Variants in TENM4 observed in about 807,000 individuals in gnomAD.
The protein encoded by TENM4 is teneurin-4.
A neutral mutation model predicts 243.3 loss-of-function variants in TENM4; 82 were observed. The ratio of observed to expected loss-of-function variants is 0.34; its 90% CI spans 0.28 to 0.40. TENM4 has a LOEUF of 0.40. TENM4 is among the 10% of genes least tolerant of loss of function. The pLI is 1.00. For missense variants in TENM4, 3,138 were observed against 3,673.3 expected, an observed-to-expected ratio of 0.85 and a Z score of 3.77; for synonymous variants, 1,412 against 1,456.3, an observed-to-expected ratio of 0.97 and a Z score of 0.69.
intron 1 of TENM4, among the ~76,000 whole-genome samples, chr11:79,432,413 C>G (rs928491605): frequency 4.6e-5 from 7 of 152,214 alleles, no homozygotes; most frequent in Admixed American, 4.6e-4. Flanking sequence ...GATCAGTTCT[C>G]ATCCTGAGGT....
At chr11:78,670,762 T>C (rs1039923590) in intron 31 of TENM4, among the ~76,000 whole-genome samples, 1 of 152,190 alleles carries the variant, frequency 6.6e-6, no homozygotes, top group Non-Finnish European at 1.5e-5. Context: ...TGAGGCTTTC[T>C]CTCAGCCTCA....
intron 4 of TENM4, among the ~76,000 whole-genome samples, chr11:79,133,618 C>T (rs571504448): frequency 6.6e-6 from 1 of 151,982 alleles, no homozygotes; most frequent in Non-Finnish European, 1.5e-5. Context: ...TACTAGCTAA[C>T]CAAATCCAAC....
intron 4 of TENM4, among the ~76,000 whole-genome samples, chr11:79,125,379 C>T (rs1161374874): frequency 1.3e-5 from 2 of 152,180 alleles, no homozygotes; most frequent in African/African-American, 4.8e-5. Flanking sequence ...TCTGTTAAGA[C>T]TGCCCTGAAT....
chr11:79,261,953 G>A (rs952053635), intron 2 of TENM4, among the ~76,000 whole-genome samples: 6 of 152,178 alleles, frequency 3.9e-5, no homozygotes, highest in Admixed American at 1.3e-4. Flanking sequence ...AGGGGCCTGC[G>A]GAGGAACATG....
chr11:78,834,263 T>C (rs942575214), intron 12 of TENM4, among the ~76,000 whole-genome samples: 1 of 152,224 alleles, frequency 6.6e-6, no homozygotes, highest in African/African-American at 2.4e-5. Flanking sequence ...TTGTTTTACA[T>C]TGACAGTAAT....
intron 6 of TENM4, among the ~76,000 whole-genome samples, chr11:78,965,423 C>A (rs182315417): frequency 6.6e-6 from 1 of 152,174 alleles, no homozygotes; most frequent in East Asian, 1.9e-4. Flanking sequence ...TTTTATTAAC[C>A]AAAGACACAA....
chr11:78,846,227 G>A (rs1858389676), intron 12 of TENM4, among the ~76,000 whole-genome samples: 1 of 152,144 alleles, frequency 6.6e-6, no homozygotes, highest in Non-Finnish European at 1.5e-5. Context: ...AGGCTTCTAC[G>A]TGTTTCTCTG....
intron 4 of TENM4, among the ~76,000 whole-genome samples, chr11:79,100,825 T>C (rs575923559): frequency 5.3e-5 from 8 of 152,288 alleles, no homozygotes; most frequent in Non-Finnish European, 8.8e-5. Flanking sequence ...CAAAAGGTAT[T>C]TAGCAGGGGT....
chr11:79,409,093 T>TGCGCGC (rs1858636009), intron 1 of TENM4, among the ~76,000 whole-genome samples: 2 of 111,348 alleles, frequency 1.8e-5, no homozygotes, highest in Non-Finnish European at 4.0e-5. Flanking sequence ...TGTGTGTGTG[T>TGCGCGC]GTGTGTGTGC....
chr11:79,199,769 C>T (rs1462313187), intron 3 of TENM4, among the ~76,000 whole-genome samples: 3 of 152,172 alleles, frequency 2.0e-5, no homozygotes, highest in East Asian at 1.9e-4. Context: ...GAACATGTCC[C>T]GGAGGGTTTA....
chr11:79,280,466 C>G (rs1856136770), intron 2 of TENM4, among the ~76,000 whole-genome samples: 1 of 152,216 alleles, frequency 6.6e-6, no homozygotes, highest in Non-Finnish European at 1.5e-5. Flanking sequence ...TAGCTGGCCC[C>G]CTCCCATTTG....
chr11:79,237,502 C>A (rs1864499094), intron 2 of TENM4, among the ~76,000 whole-genome samples: 1 of 152,104 alleles, frequency 6.6e-6, no homozygotes, highest in Non-Finnish European at 1.5e-5. Context: ...CATGGTAAAA[C>A]CCTGTCTATA....
chr11:78,814,680 T>G (rs1190134742), intron 12 of TENM4, among the ~76,000 whole-genome samples: 1 of 152,214 alleles, frequency 6.6e-6, no homozygotes, highest in Non-Finnish European at 1.5e-5. Context: ...CTAAAAACAC[T>G]GAGAGAGAAC....
chr11:79,026,525 A>C (rs1859084299), intron 6 of TENM4, among the ~76,000 whole-genome samples: 1 of 152,192 alleles, frequency 6.6e-6, no homozygotes, highest in African/African-American at 2.4e-5. Flanking sequence ...CAGCCCTTCA[A>C]AGTCAAACTT....
At chr11:79,208,406 T>C (rs1863891399) in intron 3 of TENM4, among the ~76,000 whole-genome samples, 2 of 152,220 alleles carry the variant, frequency 1.3e-5, no homozygotes, top group African/African-American at 2.4e-5. Flanking sequence ...GGTTTCCTCA[T>C]GTGTAAAATG....
intron 3 of TENM4, among the ~76,000 whole-genome samples, chr11:79,202,255 C>T (rs1863753442): frequency 6.6e-6 from 1 of 152,230 alleles, no homozygotes; most frequent in South Asian, 2.1e-4. Context: ...TCCCCTTCCA[C>T]CCTACCCATG....
intron 6 of TENM4, among the ~76,000 whole-genome samples, chr11:78,928,864 G>T (rs1363447200): frequency 6.6e-6 from 1 of 152,212 alleles, no homozygotes; most frequent in East Asian, 1.9e-4. Flanking sequence ...CTGTAAAAGG[G>T]AGTTAATGGC....
intron 6 of TENM4, among the ~76,000 whole-genome samples, chr11:78,978,483 G>A (rs1857717434): frequency 6.6e-6 from 1 of 152,180 alleles, no homozygotes; most frequent in Non-Finnish European, 1.5e-5. Context: ...CTGATGAAAT[G>A]AGCTCCAGAC....
chr11:79,233,902 A>G (rs191808961), intron 2 of TENM4, among the ~76,000 whole-genome samples: 1 of 152,292 alleles, frequency 6.6e-6, no homozygotes, highest in East Asian at 1.9e-4. Flanking sequence ...GGTTGTACTG[A>G]AGGGTGACAT....
Sources: gnomAD v4.1 joint callset for allele counts (sites outside exome capture counted in the v4.1 genomes callset) on GRCh38, gnomAD v4.1.1 for gene constraint, MANE v1.5 for transcripts, NCBI Gene and HGNC (gene_info 2026-07-23, HGNC 2026-07-21) for gene names.